Variants in DNAH3 observed in about 807,000 individuals in gnomAD.
DNAH3 encodes dynein axonemal heavy chain 3.
DNAH3 carries 332 observed loss-of-function variants against 432.5 expected under a neutral mutation model. The ratio of observed to expected loss-of-function variants is 0.77; its 90% CI spans 0.70 to 0.84. The LOEUF is 0.84. Among genes scored for constraint, DNAH3 ranks in the 40% least tolerant of loss-of-function variants. The pLI, the probability that DNAH3 is intolerant of heterozygous loss-of-function variation, is 0.00. For synonymous variants in DNAH3, 1,956 were observed against 1,900.2 expected (o/e 1.03, Z -0.76); for missense variants, 4,861 against 5,114.0 (o/e 0.95, Z 1.51).
At chr16:21,121,042 C>T (rs1255802797) in intron 10 of DNAH3, 2 of 690,946 alleles carry the variant, frequency 2.9e-6, no homozygotes, top group African/African-American at 3.5e-5. Flanking sequence ...GCACTGCAAC[C>T]TTGAACTCCT....
chr16:21,012,688 G>T (rs1173398850), intron 41 of DNAH3, among the ~76,000 whole-genome samples: 3 of 152,136 alleles, frequency 2.0e-5, no homozygotes, highest in Non-Finnish European at 4.4e-5. Context: ...AACAATAGAA[G>T]ACTACATATT....
Position 20,933,467 on chromosome 16 carries a change from T to A in DNAH3, c.12038A>T (p.Asp4013Val), listed in dbSNP as rs556231929. The A allele has an allele frequency of 2.3e-5, 37 of 1,610,852 alleles. No homozygotes were observed. The South Asian group carries it at 4.1e-4, about 18-fold the overall frequency. ...GAAGAGCCCTTTGATGTAGGCCCCATCTTCGGGGTTATTCTCCATCACTGT... is the reference window on the plus strand; with the variant it reads ...GAAGAGCCCTTTGATGTAGGCCCCAACTTCGGGGTTATTCTCCATCACTGT... Residue 4013 changes from aspartate (D) to valine (V), a missense_variant, in exon 62 of 62, where the codon GAT (aspartate) becomes GTT (valine). Asp to Val is a radical substitution (Grantham distance 152, BLOSUM62 -3). Transcript: ENST00000261383.
intron 42 of DNAH3, among the ~76,000 whole-genome samples, chr16:21,002,622 C>T (rs568874917): frequency 6.6e-6 from 1 of 152,006 alleles, no homozygotes; most frequent in Non-Finnish European, 1.5e-5. Flanking sequence ...CCACCACGCC[C>T]AGCTAATTTT....
chr16:21,077,520 G>A (rs1187006482), intron 20 of DNAH3, among the ~76,000 whole-genome samples: 1 of 152,082 alleles, frequency 6.6e-6, no homozygotes, highest in Non-Finnish European at 1.5e-5. Context: ...GATGGCTCTT[G>A]CTCTACTTCC....
At chr16:20,935,568 T>C (rs936476696) in intron 60 of DNAH3, 83 bp from the exon 61 acceptor site, 8 of 1,457,336 alleles carry the variant, frequency 5.5e-6, no homozygotes, top group Non-Finnish European at 7.4e-6. Flanking sequence ...GAGTACCATA[T>C]AAAATATGTT....
chr16:21,067,987 T>G (rs1426567778), intron 23 of DNAH3, among the ~76,000 whole-genome samples: 1 of 151,948 alleles, frequency 6.6e-6, no homozygotes, highest in African/African-American at 2.4e-5. Flanking sequence ...TTTCTGTCAC[T>G]TGCACCCAAA....
intron 16 of DNAH3, 59 bp downstream of exon 16, chr16:21,104,412 G>T: frequency 6.8e-7 from 1 of 1,476,438 alleles, no homozygotes. Context: ...CCAGGAACCT[G>T]CAGCATGGGT....
rs759730715 is a variant in DNAH3 at position 21,062,522 on chromosome 16, G to GT, written c.3679dup (p.Thr1227AsnfsTer12). 5 of 1,614,204 alleles carry GT rather than the reference G, an allele frequency of 3.1e-6. No individual in the cohort carries two copies. The South Asian group carries it at 5.5e-5, about 18-fold the overall frequency. ...GTAGATTTTCTGTATGAATGGAACA[G>GT]TTTCTTTTTCCGAGCTGATCATGCC... On this transcript the variant is annotated frameshift_variant, in exon 25 of 62. Transcript: ENST00000261383. LOFTEE classifies it high-confidence loss of function.
chr16:21,047,463 C>T (rs1398740051), intron 31 of DNAH3, among the ~76,000 whole-genome samples: 1 of 152,156 alleles, frequency 6.6e-6, no homozygotes, highest in Admixed American at 6.6e-5. Flanking sequence ...TCCAGTTGAT[C>T]GCACCGGCTC....
chr16:20,935,095 C>A (rs1453544179), intron 61 of DNAH3, among the ~76,000 whole-genome samples: 1 of 152,108 alleles, frequency 6.6e-6, no homozygotes, highest in Non-Finnish European at 1.5e-5. Flanking sequence ...AGAGTGCCTT[C>A]ATTTTTCTTG....
chr16:21,099,889 T>G (rs1055537385), intron 16 of DNAH3, among the ~76,000 whole-genome samples: 1 of 152,204 alleles, frequency 6.6e-6, no homozygotes, highest in African/African-American at 2.4e-5. Context: ...TTCCTTTTAG[T>G]GTCTTCAGCA....
chr16:21,014,371 T>C lies in DNAH3; in HGVS notation c.6022+5253A>G, dbSNP rs1159643889. On this transcript the variant is annotated intron_variant, in intron 41 of 61. Coordinates refer to ENST00000261383, the Ensembl canonical transcript of DNAH3. ...AAGAAAAATCATATGATCACGTTAA[T>C]AGATTCAGAAAAAGCATTTGACAAA... Among the ~76,000 whole-genome samples the C allele has an allele frequency of 2.0e-5, 3 of 152,320 alleles. No individual in the cohort carries two copies. In the South Asian group the frequency reaches 6.2e-4, roughly 32 times the overall value.
intron 21 of DNAH3, among the ~76,000 whole-genome samples, chr16:21,074,563 A>G (rs1014373225): frequency 2.0e-5 from 3 of 151,868 alleles, no homozygotes; most frequent in Non-Finnish European, 4.4e-5. Flanking sequence ...AAAATATAAA[A>G]ATTAGCTGGG....
exon 20 of DNAH3, chr16:21,081,713 A>G (rs1455853573): frequency 6.2e-7 from 1 of 1,613,836 alleles, no homozygotes. Flanking sequence ...TCTCATAGCC[A>G]ACAATCTCAC....
rs55797285 is a variant in DNAH3 at position 21,040,358 on chromosome 16, A to ATTTTTTTTTTTTTTTTTT, written c.4639-433_4639-416dup. ...TCAGAAGAATCCCAAAGCCAGACAG[A>ATTTTTTTTTTTTTTTTTT]TTTTTTTTTTTTTTTTTTTTTTTTT... On this transcript the variant is annotated intron_variant, in intron 32 of 61. Coordinates refer to ENST00000261383, the Ensembl canonical transcript of DNAH3. Among the ~76,000 whole-genome samples, 9 of 79,706 alleles carry ATTTTTTTTTTTTTTTTTT rather than the reference A, an allele frequency of 1.1e-4. 2 individuals are homozygous for ATTTTTTTTTTTTTTTTTT. The highest frequency in any genetic ancestry group is 5.1e-4 in the African/African-American group (9 of 17,722). The allele number at this position is 79,706 out of a possible 152,430, so 52.3% of individuals were successfully genotyped here.
intron 1 of DNAH3, among the ~76,000 whole-genome samples, chr16:21,151,909 G>A (rs77609405): frequency 0.037 from 5,658 of 151,744 alleles, 175 homozygotes; most frequent in East Asian, 0.18. Flanking sequence ...CAAACACCAC[G>A]ATATTCCCAT....
chr16:21,074,038 T>G (rs1307679146), intron 21 of DNAH3, among the ~76,000 whole-genome samples: 1 of 152,226 alleles, frequency 6.6e-6, no homozygotes, highest in Admixed American at 6.5e-5. Flanking sequence ...AAACTTTGAT[T>G]AAATAAAATT....
intron 24 of DNAH3, among the ~76,000 whole-genome samples, chr16:21,064,662 T>C (rs1720694878): frequency 6.6e-6 from 1 of 152,150 alleles, no homozygotes; most frequent in Admixed American, 6.6e-5. Context: ...TCTATCTCCA[T>C]CATGTGCTAT....
At chr16:21,139,348 T>TTTTTTTTTTTTC (rs2092688549) in intron 5 of DNAH3, among the ~76,000 whole-genome samples, 1 of 125,914 alleles carries the variant, frequency 7.9e-6, no homozygotes. Context: ...TTTTTTTTTT[T>TTTTTTTTTTTTC]TTGAGATATG....
Sources: allele counts gnomAD v4.1 joint callset (sites outside exome capture counted in the v4.1 genomes callset), GRCh38; gene constraint gnomAD v4.1.1; transcripts MANE v1.5; gene names NCBI Gene and HGNC (gene_info 2026-07-23, HGNC 2026-07-21).